The following CDC20B variants were observed in gnomAD, a reference collection of about 807,000 sequenced individuals.
The protein encoded by CDC20B is cell division cycle 20B.
Under a neutral mutation model 64.1 loss-of-function variants are expected in CDC20B, and 58 were observed. The observed-to-expected ratio is 0.90, with a 90% CI of 0.73 to 1.13. CDC20B has a LOEUF of 1.13. CDC20B is among the 50% of genes most tolerant of loss of function. CDC20B has a pLI of 0.00. For synonymous variants in CDC20B, 243 were observed against 230.6 expected, an observed-to-expected ratio of 1.05 and a Z score of -0.49; for missense variants, 597 against 633.0, an observed-to-expected ratio of 0.94 and a Z score of 0.61.
chr5:55,152,638 C>G (rs1253017824), intron 2 of CDC20B, among the ~76,000 whole-genome samples: 1 of 152,188 alleles, frequency 6.6e-6, no homozygotes, highest in Non-Finnish European at 1.5e-5. Context: ...CCCTCACAAC[C>G]AACCAGAGCA....
chr5:55,143,676 T>A (rs370579774), intron 3 of CDC20B, 33 bp from the exon 4 acceptor site: 5 of 1,554,884 alleles, frequency 3.2e-6, no homozygotes, highest in East Asian at 4.5e-5. Flanking sequence ...TGAATTTGGT[T>A]TTTAAAACAA....
intron 5 of CDC20B, chr5:55,137,532 TCAA>T: frequency 2.2e-6 from 1 of 456,722 alleles, no homozygotes; most frequent in South Asian, 1.5e-5. Flanking sequence ...CTTAAAAGAA[TCAA>T]CAACAGAGCC....
rs543922142 is a variant in CDC20B, at chr5:55,157,550, C to T, written c.127-10694G>A. Among the ~76,000 whole-genome samples, 4 of 152,204 alleles carry T rather than the reference C, an allele frequency of 2.6e-5. 1 individual carries two copies. The highest frequency in any genetic ancestry group is 1.3e-4 in the Admixed American group (2 of 15,278). On this transcript the variant is annotated intron_variant, in intron 2 of 11. Coordinates refer to ENST00000381375, the MANE Select transcript of CDC20B (RefSeq NM_001170402.1). ...TTTCATCCTTGACAGGAGATATACA[C>T]GTAAGTTTTCAAAGTTGTATTCATA... is the stretch of plus-strand genomic sequence containing the variant.
intron 11 of CDC20B, among the ~76,000 whole-genome samples, 180 bp downstream of exon 11, chr5:55,119,621 C>A (rs1008036036): frequency 6.6e-6 from 1 of 152,130 alleles, no homozygotes; most frequent in African/African-American, 2.4e-5. Context: ...CAATCTTAGG[C>A]AAATTCAGAA....
chr5:55,150,950 T>C (rs1278615732), intron 2 of CDC20B, among the ~76,000 whole-genome samples: 1 of 152,168 alleles, frequency 6.6e-6, no homozygotes, highest in Non-Finnish European at 1.5e-5. Context: ...TTCACCATGT[T>C]GCCCAGGCTG....
At chr5:55,130,910 C>T (rs1743012452) in intron 6 of CDC20B, among the ~76,000 whole-genome samples, 1 of 152,080 alleles carries the variant, frequency 6.6e-6, no homozygotes, top group African/African-American at 2.4e-5. Context: ...CACTTGAGCC[C>T]AAAGAGTTCA....
chr5:55,160,880 A>T, intron 2 of CDC20B: 1 of 1,113,908 alleles, frequency 9.0e-7, no homozygotes, highest in Non-Finnish European at 1.2e-6. Context: ...TATGAAAAAA[A>T]CATCAATCAG....
At chr5:55,160,164 G>A (rs1743955798) in intron 2 of CDC20B, 3 of 1,567,952 alleles carry the variant, frequency 1.9e-6, no homozygotes, top group Admixed American at 3.3e-5. Context: ...ATTCCAGGCT[G>A]CTGAGACTTC....
chr5:55,138,683 A>G (rs574419094), intron 5 of CDC20B, among the ~76,000 whole-genome samples: 1 of 152,104 alleles, frequency 6.6e-6, no homozygotes, highest in African/African-American at 2.4e-5. Context: ...TAATATTGTC[A>G]GAGATATAGG....
At chr5:55,119,409 G>T (rs1429516498) in intron 11 of CDC20B, among the ~76,000 whole-genome samples, 1 of 152,184 alleles carries the variant, frequency 6.6e-6, no homozygotes, top group Non-Finnish European at 1.5e-5. Flanking sequence ...CACAGAGGAA[G>T]CTCATGGTCA....
chr5:55,171,543 T>TA (rs1376956721), intron 2 of CDC20B, among the ~76,000 whole-genome samples: 1 of 152,206 alleles, frequency 6.6e-6, no homozygotes. Context: ...GAAATGACAT[T>TA]AGTAATCGAG....
At chr5:55,161,131 G>A (rs1371337787) in intron 2 of CDC20B, 6 of 1,614,120 alleles carry the variant, frequency 3.7e-6, no homozygotes, top group Non-Finnish European at 4.2e-6. Flanking sequence ...TTGGAGAATC[G>A]GAGCCCCGCC....
intron 11 of CDC20B, among the ~76,000 whole-genome samples, chr5:55,116,203 C>T (rs908569619): frequency 1.3e-5 from 2 of 152,014 alleles, no homozygotes; most frequent in Admixed American, 6.6e-5. Context: ...AAATAATAAA[C>T]CATATAAATG....
intron 2 of CDC20B, among the ~76,000 whole-genome samples, chr5:55,155,864 A>C (rs969061986): frequency 2.6e-5 from 4 of 152,026 alleles, no homozygotes; most frequent in Non-Finnish European, 5.9e-5. Flanking sequence ...TTCAGTACAC[A>C]CAGAAAAGCC....
At chr5:55,160,420 ATTG>A (rs777117585) in intron 2 of CDC20B, 1 of 1,566,938 alleles carries the variant, frequency 6.4e-7, no homozygotes, top group Admixed American at 1.7e-5. Context: ...TCTGATTTTT[ATTG>A]TTATCATTTT....
Position 55,149,239 on chromosome 5 carries a change from G to T in CDC20B, c.127-2383C>A, listed in dbSNP as rs867339684. On this transcript the variant is annotated intron_variant, in intron 2 of 11. Transcript: ENST00000381375. ...TAATAAGCATTGGTAAGGATGCGAA[G>T]AAACTGGAATCTTTGTACATTGCAA... Among the ~76,000 whole-genome samples the T allele has an allele frequency of 2.0e-5, 3 of 152,186 alleles. No individual in the cohort carries two copies. In the South Asian group the frequency reaches 6.2e-4, roughly 32 times the overall value.
chr5:55,119,673 C>G (rs555401995), intron 11 of CDC20B, 128 bp downstream of exon 11: 7 of 629,980 alleles, frequency 1.1e-5, no homozygotes, highest in Admixed American at 5.7e-5. Context: ...GGATGTAGGA[C>G]TTTTTCCTCT....
intron 7 of CDC20B, among the ~76,000 whole-genome samples, 163 bp downstream of exon 7, chr5:55,128,258 A>G (rs2111825858): frequency 7.0e-6 from 1 of 142,464 alleles, no homozygotes; most frequent in Admixed American, 7.0e-5. Flanking sequence ...AAAACCATTC[A>G]GTAAAAAAAA....
rs1411720478 is a variant in CDC20B, at chr5:55,155,355, A to G, written c.127-8499T>C. The stretch of plus-strand genomic sequence containing the variant: ...GACACACAAATATCCAGTGGGTTGG[A>G]AAAACCTAGACATCCCAGAAAAGAC... On this transcript the variant is annotated intron_variant, in intron 2 of 11. Coordinates refer to ENST00000381375, the MANE Select transcript of CDC20B (RefSeq NM_001170402.1). Among the ~76,000 whole-genome samples the G allele has an allele frequency of 6.6e-5, 10 of 152,330 alleles. No homozygotes were observed. The South Asian group carries it at 2.1e-3, about 32-fold the overall frequency.
Sources: allele counts gnomAD v4.1 joint callset (sites outside exome capture counted in the v4.1 genomes callset), GRCh38; gene constraint gnomAD v4.1.1; transcripts MANE v1.5; gene names NCBI Gene and HGNC (gene_info 2026-07-23, HGNC 2026-07-21).